The following RNFT2 variants were observed in gnomAD, a reference collection of about 807,000 sequenced individuals.
RNFT2 encodes the protein ring finger protein, transmembrane 2.
Under a neutral mutation model 53.0 loss-of-function variants are expected in RNFT2, and 36 were observed. That is an observed-to-expected ratio of 0.68 (90% CI 0.52 to 0.90). The LOEUF is 0.90. Among genes scored for constraint, RNFT2 ranks in the 40% least tolerant of loss-of-function variants. RNFT2 has a pLI of 0.00. For missense variants in RNFT2, 514 were observed against 585.6 expected, an observed-to-expected ratio of 0.88 and a Z score of 1.26; for synonymous variants, 260 against 253.2, an observed-to-expected ratio of 1.03 and a Z score of -0.26.
chr12:116,739,742 T>C (rs967310087), intron 1 of RNFT2, among the ~76,000 whole-genome samples: 1 of 152,050 alleles, frequency 6.6e-6, no homozygotes, highest in Admixed American at 6.5e-5. Context: ...TGGGAGGAAA[T>C]GCAGTTGGAA....
chr12:116,818,894 C>T (rs1380662194), intron 7 of RNFT2, among the ~76,000 whole-genome samples: 1 of 152,224 alleles, frequency 6.6e-6, no homozygotes, highest in Non-Finnish European at 1.5e-5. Flanking sequence ...CCACTGTTTA[C>T]ACCAGAGCAA....
intron 7 of RNFT2, among the ~76,000 whole-genome samples, chr12:116,815,705 G>A (rs563050367): frequency 4.6e-5 from 7 of 152,050 alleles, no homozygotes; most frequent in South Asian, 2.1e-4. Flanking sequence ...AATTCCTTTC[G>A]CCCTGTAAGG....
chr12:116,810,322 A>G (rs529676976), intron 7 of RNFT2, among the ~76,000 whole-genome samples: 258 of 152,318 alleles, frequency 1.7e-3, no homozygotes, highest in Non-Finnish European at 3.1e-3. Context: ...CAAAGCCACA[A>G]GGGCACGGCA....
At chr12:116,753,152 T>TTC (rs201814580) in intron 4 of RNFT2, among the ~76,000 whole-genome samples, 12,861 of 119,566 alleles carry the variant, frequency 0.11, 463 homozygotes, top group Non-Finnish European at 0.15. Context: ...CTTTTTCTTT[T>TTC]TTTTTTTTTT....
intron 7 of RNFT2, among the ~76,000 whole-genome samples, chr12:116,827,064 C>A (rs969731976): frequency 6.6e-6 from 1 of 151,478 alleles, no homozygotes; most frequent in African/African-American, 2.4e-5. Flanking sequence ...TACTAAAATA[C>A]AAAAAATTAG....
intron 7 of RNFT2, among the ~76,000 whole-genome samples, chr12:116,787,054 G>A (rs58206736): frequency 0.022 from 3,292 of 152,266 alleles, 122 homozygotes; most frequent in African/African-American, 0.074. Flanking sequence ...AATCACATCT[G>A]CAAAGACATG....
intron 6 of RNFT2, among the ~76,000 whole-genome samples, chr12:116,778,846 T>C (rs1873557682): frequency 6.6e-6 from 1 of 152,098 alleles, no homozygotes; most frequent in African/African-American, 2.4e-5. Context: ...CAAGACTCCA[T>C]CTCAAAAACA....
chr12:116,842,575 T>G (rs1388984192), intron 10 of RNFT2, among the ~76,000 whole-genome samples: 1 of 151,942 alleles, frequency 6.6e-6, no homozygotes, highest in Non-Finnish European at 1.5e-5. Context: ...TTTATTTGTT[T>G]GTTTGTTTGT....
At chr12:116,808,772 G>A (rs573691458) in intron 7 of RNFT2, among the ~76,000 whole-genome samples, 56 of 152,260 alleles carry the variant, frequency 3.7e-4, no homozygotes, top group African/African-American at 1.2e-3. Flanking sequence ...GAGGAGGGGC[G>A]GTCAGGCCTC....
At chr12:116,845,019 G>A (rs1243199040) in intron 10 of RNFT2, among the ~76,000 whole-genome samples, 1 of 151,974 alleles carries the variant, frequency 6.6e-6, no homozygotes, top group South Asian at 2.1e-4. Context: ...AAGGTGGGAG[G>A]ATCACATGAA....
chr12:116,788,394 C>T lies in RNFT2; in HGVS notation c.882+9046C>T, dbSNP rs1394941484. On this transcript the variant is annotated intron_variant, in intron 7 of 10. Transcript: ENST00000257575. ...TGCTTGCTGCCCTGTCTCCCACCTGCACCTACTGATTCATCTGCCTCAAAG... is the reference window on the plus strand; with the variant it reads ...TGCTTGCTGCCCTGTCTCCCACCTGTACCTACTGATTCATCTGCCTCAAAG... 7.2e-5 allele frequency among the ~76,000 whole-genome samples: 11 copies of T among 152,304 alleles called. No homozygotes were observed. The East Asian group carries it at 2.1e-3, about 29-fold the overall frequency.
rs565303351 is a variant in RNFT2 at position 116,769,011 on chromosome 12, G to A, written c.728+2097G>A. Among the ~76,000 whole-genome samples, 33 of 152,158 alleles carry A rather than the reference G, an allele frequency of 2.2e-4. 1 individual carries two copies. The South Asian group carries it at 2.3e-3, about 11-fold the overall frequency. ...CTCCCAAAGTGCTGAGATTGCAGGC[G>A]TGAGCCACAGTGCCCACCCATTGTC... On this transcript the variant is annotated intron_variant, in intron 6 of 10. Transcript: ENST00000257575.
chr12:116,819,403 C>A (rs944145251), intron 7 of RNFT2, among the ~76,000 whole-genome samples: 2 of 152,038 alleles, frequency 1.3e-5, no homozygotes, highest in Non-Finnish European at 2.9e-5. Context: ...CGGGGCGGCC[C>A]GGGGCGCGGG....
At chr12:116,762,086 A>G (rs1038584922) in intron 5 of RNFT2, among the ~76,000 whole-genome samples, 2 of 151,738 alleles carry the variant, frequency 1.3e-5, no homozygotes, top group Non-Finnish European at 2.9e-5. Flanking sequence ...AAAAACAGAA[A>G]AAAAGAAAAG....
Position 116,851,553 on chromosome 12 carries a change from A to G in RNFT2, c.*2105A>G, listed in dbSNP as rs1877924359. On this transcript the variant is annotated 3_prime_UTR_variant, in exon 11 of 11. Coordinates refer to ENST00000257575, the MANE Select transcript of RNFT2 (RefSeq NM_001382266.1). ...CAAGAGTTCAAGACTAGCCTGGCCA[A>G]CATGGCAAAACCCCCTCTTTACTAA... is the stretch of plus-strand genomic sequence containing the variant. 2 of 568,132 alleles carry G rather than the reference A, an allele frequency of 3.5e-6. No individual in the cohort carries two copies. The highest frequency in any genetic ancestry group is 3.0e-5 in the East Asian group (1 of 33,642). The allele number at this position is 568,132 out of a possible 1,614,324, so 35.2% of individuals were successfully genotyped here.
At chr12:116,816,282 C>T (rs1018639787) in intron 7 of RNFT2, among the ~76,000 whole-genome samples, 3 of 152,090 alleles carry the variant, frequency 2.0e-5, no homozygotes, top group Non-Finnish European at 2.9e-5. Flanking sequence ...TTCATGGGGC[C>T]GATGCTCTTA....
At chr12:116,836,577 C>T (rs974895226) in intron 10 of RNFT2, among the ~76,000 whole-genome samples, 1 of 152,110 alleles carries the variant, frequency 6.6e-6, no homozygotes, top group African/African-American at 2.4e-5. Context: ...ATTCTTGACC[C>T]CCTGTGGGTC....
intron 10 of RNFT2, among the ~76,000 whole-genome samples, chr12:116,847,530 CTCTT>C (rs1391486000): frequency 1.2e-5 from 1 of 86,512 alleles, no homozygotes; most frequent in East Asian, 2.7e-4. Context: ...CTCTCTCTCT[CTCTT>C]TTTTTTTTTT....
chr12:116,841,786 T>A (rs1211024100), intron 10 of RNFT2, among the ~76,000 whole-genome samples: 1 of 94,450 alleles, frequency 1.1e-5, no homozygotes, highest in African/African-American at 5.0e-5. Context: ...TATAAATATA[T>A]ATATATAAAT....
Sources: allele counts gnomAD v4.1 joint callset (sites outside exome capture counted in the v4.1 genomes callset), GRCh38; gene constraint gnomAD v4.1.1; transcripts MANE v1.5; gene names NCBI Gene and HGNC (gene_info 2026-07-23, HGNC 2026-07-21).